ZNF614: variants seen among roughly 807,000 people sequenced by gnomAD.
The protein encoded by ZNF614 is zinc finger protein 614.
In ZNF614, 11 loss-of-function variants were observed where a neutral mutation model predicts 12.8. The ratio of observed to expected loss-of-function variants is 0.86; its 90% CI spans 0.54 to 1.43. The LOEUF is 1.43. ZNF614 is among the 40% of genes most tolerant of loss of function. ZNF614 has a pLI of 0.00. For synonymous variants in ZNF614, 237 were observed against 237.5 expected (o/e 1.00, Z 0.02); for missense variants, 664 against 708.8 (o/e 0.94, Z 0.72).
chr19:52,016,549 T>C lies in ZNF614; in HGVS notation c.1049A>G (p.Lys350Arg), dbSNP rs1393309767. ...EKPYICSECG[K>R]GFTMKRYLVV... ...AAGATAGCGCTTCATGGTGAAGCCTTTTCCACATTCACTGCATATATAGGG... is the reference window on the plus strand; with the variant it reads ...AAGATAGCGCTTCATGGTGAAGCCTCTTCCACATTCACTGCATATATAGGG... Residue 350 changes from lysine (K) to arginine (R), a missense_variant, in exon 5 of 5, where the codon AAA (lysine) becomes AGA (arginine). Coordinates refer to ENST00000270649, the MANE Select transcript of ZNF614 (RefSeq NM_025040.4). 6.2e-7 allele frequency: 1 copy of C among 1,614,156 alleles called. No individual in the cohort carries two copies. The highest frequency in any genetic ancestry group is 1.7e-5 in the Admixed American group (1 of 60,030).
intron 1 of ZNF614, 60 bp from the exon 2 acceptor site, chr19:52,026,021 G>A (rs778859770): frequency 7.4e-6 from 3 of 405,752 alleles, no homozygotes; most frequent in African/African-American, 2.0e-5. Context: ...TGTCACTGCT[G>A]CTCTGCACTT....
intron 2 of ZNF614, among the ~76,000 whole-genome samples, chr19:52,025,100 C>G (rs958166476): frequency 6.6e-6 from 1 of 152,144 alleles, no homozygotes; most frequent in African/African-American, 2.4e-5. Flanking sequence ...CAGAGCAAGA[C>G]TCTGTCTCAA....
At chr19:52,018,307 G>A in intron 3 of ZNF614, 61 bp downstream of exon 3, 2 of 1,611,422 alleles carry the variant, frequency 1.2e-6, no homozygotes, top group South Asian at 2.2e-5. Flanking sequence ...GATTAGGTGA[G>A]CATAGGACGG....
chr19:52,026,688 G>C (rs909327116), intron 1 of ZNF614, among the ~76,000 whole-genome samples: 2 of 152,184 alleles, frequency 1.3e-5, no homozygotes, highest in Non-Finnish European at 2.9e-5. Flanking sequence ...GTTGAGATAA[G>C]AGAAAGGCAT....
intron 2 of ZNF614, among the ~76,000 whole-genome samples, chr19:52,020,494 T>C (rs2086926553): frequency 6.6e-6 from 1 of 152,204 alleles, no homozygotes; most frequent in African/African-American, 2.4e-5. Flanking sequence ...CTGACTACAT[T>C]GTGTAACAAT....
chr19:52,018,983 C>T (rs2086917920), intron 2 of ZNF614, among the ~76,000 whole-genome samples: 1 of 152,058 alleles, frequency 6.6e-6, no homozygotes, highest in South Asian at 2.1e-4. Flanking sequence ...ACCTTCCCAC[C>T]TCAGCCTCTC....
chr19:52,028,055 C>A (rs1306310494), intron 1 of ZNF614, among the ~76,000 whole-genome samples, 187 bp downstream of exon 1: 1 of 152,248 alleles, frequency 6.6e-6, no homozygotes, highest in African/African-American at 2.4e-5. Flanking sequence ...ACAAGGGCCC[C>A]AGACCCAGAC....
rs1280082759 is a variant in ZNF614, at chr19:52,014,636, C to G, written c.*1204G>C. 6.6e-6 allele frequency: 1 copy of G among 152,114 alleles called. No individual in the cohort carries two copies. The highest frequency in any genetic ancestry group is 1.5e-5 in the Non-Finnish European group (1 of 68,014). 9.4% of individuals were successfully genotyped at this position (152,114 alleles called of 1,614,324 possible). ...TCTCCTAATCTCAGGAGCCTCTACCCCTATGAAGTTGGGGGTGCACCACCC... is the reference window on the plus strand; with the variant it reads ...TCTCCTAATCTCAGGAGCCTCTACCGCTATGAAGTTGGGGGTGCACCACCC... On this transcript the variant is annotated 3_prime_UTR_variant, in exon 5 of 5. Transcript: ENST00000270649.
intron 1 of ZNF614, among the ~76,000 whole-genome samples, chr19:52,026,781 C>T (rs534949327): frequency 3.3e-5 from 5 of 152,314 alleles, no homozygotes; most frequent in South Asian, 4.1e-4. Flanking sequence ...AGGAGAAAAC[C>T]GCCTTAGGGC....
Position 52,014,895 on chromosome 19 carries a change from C to T in ZNF614, c.*945G>A, listed in dbSNP as rs1033134439. 1.3e-5 allele frequency: 2 copies of T among 152,114 alleles called. No homozygotes were observed. The highest frequency in any genetic ancestry group is 2.9e-5 in the Non-Finnish European group (2 of 68,008). 9.4% of individuals were successfully genotyped at this position (152,114 alleles called of 1,614,324 possible). On this transcript the variant is annotated 3_prime_UTR_variant, in exon 5 of 5. Transcript: ENST00000270649. Reference sequence around the variant, plus strand: ...CTATGAATAACAACAACAGCAAAAACAAAACAAAACCAAAAAACTCTTATC... The same window carrying T: ...CTATGAATAACAACAACAGCAAAAATAAAACAAAACCAAAAAACTCTTATC...
chr19:52,018,246 A>G, intron 3 of ZNF614, 122 bp downstream of exon 3: 1 of 1,517,490 alleles, frequency 6.6e-7, no homozygotes, highest in Non-Finnish European at 9.1e-7. Context: ...GGGGTCAGAG[A>G]GGGGACTGAA....
intron 1 of ZNF614, among the ~76,000 whole-genome samples, 178 bp from the exon 2 acceptor site, chr19:52,026,139 A>C (rs1301203084): frequency 2.6e-5 from 4 of 152,242 alleles, no homozygotes; most frequent in Non-Finnish European, 2.9e-5. Flanking sequence ...TGTGAAGTAG[A>C]AGTGGCATGA....
rs759665918 is a variant in ZNF614 at position 52,018,047 on chromosome 19, A to G, written c.199T>C (p.Trp67Arg). The change falls in exon 4 of 5, where the codon TGG becomes CGG. Residue 67 changes from tryptophan to arginine, a missense_variant. Physicochemically the swap from Trp to Arg is moderately radical, Grantham distance 101. Coordinates refer to ENST00000270649, the MANE Select transcript of ZNF614 (RefSeq NM_025040.4). Reference sequence around the variant, plus strand: ...TTCTGAATTTTAGCATCTGTTGTCCATGGTTCTTGTCCATGTGCCAACTTG... The same window carrying G: ...TTCTGAATTTTAGCATCTGTTGTCCGTGGTTCTTGTCCATGTGCCAACTTG... ...LSKLAHGQEP[W>R]TTDAKIQNKN... 1.2e-6 allele frequency: 2 copies of G among 1,613,916 alleles called. No individual in the cohort carries two copies. The highest frequency in any genetic ancestry group is 1.7e-6 in the Non-Finnish European group (2 of 1,179,994).
In ZNF614 at chr19:52,016,894, C is replaced by T. The variant is rs1397019771; in HGVS notation, c.704G>A (p.Gly235Asp). 2 of 1,614,116 alleles carry T rather than the reference C, an allele frequency of 1.2e-6. No homozygotes were observed. Among genetic ancestry groups the T allele is most frequent in the Non-Finnish European group, 1.7e-6 (2 of 1,180,030 alleles). The change falls in exon 5 of 5, where the codon GGT becomes GAT. Residue 235 changes from glycine (G) to aspartate (D), a missense_variant. Physicochemically the swap from Gly to Asp is moderately conservative, Grantham distance 94. Transcript: ENST00000270649. ...ACTTCTGGATAATTTCTCACATTGA[C>T]CACTTCCAGGATTCTCTTGTATACA... ...NICIQENPGS[G>D]QCEKLSRSVL...
rs549653554 is a variant in ZNF614 at position 52,016,235 on chromosome 19, A to G, written c.1363T>C (p.Tyr455His). 10 of 1,614,198 alleles carry G rather than the reference A, an allele frequency of 6.2e-6. No homozygotes were observed. The South Asian group carries it at 1.1e-4, about 18-fold the overall frequency. ...HQRTHTGEKPYECNECGKAFS... is the reference protein window; with the variant it reads ...HQRTHTGEKPHECNECGKAFS... ...GCTTTACCACATTCATTGCATTCAT[A>G]GGGTTTTTCTCCTGTATGAGTTCGC... The change falls in exon 5 of 5, where the codon TAT becomes CAT. Residue 455 changes from tyrosine (Y) to histidine (H), a missense_variant. Transcript: ENST00000270649.
intron 2 of ZNF614, among the ~76,000 whole-genome samples, chr19:52,021,658 G>A (rs1332243255): frequency 6.6e-6 from 1 of 151,950 alleles, no homozygotes; most frequent in Non-Finnish European, 1.5e-5. Context: ...CAGGCAGATG[G>A]TGGTTGAGGC....
intron 1 of ZNF614, among the ~76,000 whole-genome samples, chr19:52,026,760 T>C (rs1362256645): frequency 1.3e-5 from 2 of 152,212 alleles, no homozygotes; most frequent in East Asian, 1.9e-4. Flanking sequence ...GTCTGTTCTA[T>C]TTACTGAGAT....
In ZNF614 at chr19:52,018,005, T is replaced by TA; in HGVS notation, c.238+2dup. ...GCCACTGTCCTTGCTGGTTCTCACTTACCTGGACAATTTTTATTCTGAATT... is the reference window on the plus strand; with the variant it reads ...GCCACTGTCCTTGCTGGTTCTCACTTAACCTGGACAATTTTTATTCTGAATT... On this transcript the variant is annotated splice_region_variant and intron_variant, in intron 4 of 4. Transcript: ENST00000270649. 6.2e-7 allele frequency: 1 copy of TA among 1,612,424 alleles called. No individual in the cohort carries two copies.
At position 52,017,143 on chromosome 19, in the gene ZNF614, A is replaced by G; in HGVS notation, c.455T>C (p.Ile152Thr). ...TCCAATAAACTCAACAGGGTTATTT[A>G]TTCCATGTCTTCTCTTCTGGTTGAT... ...SLINQKRRHG[I>T]NNPVEFIGGE... Residue 152 changes from isoleucine to threonine, a missense_variant, in exon 5 of 5, where the codon ATA becomes ACA. By Grantham distance (89) the Ile-to-Thr change is moderately conservative. Coordinates refer to ENST00000270649, the MANE Select transcript of ZNF614 (RefSeq NM_025040.4). The G allele has an allele frequency of 6.2e-7, 1 of 1,614,170 alleles. No homozygotes were observed. The highest frequency in any genetic ancestry group is 1.3e-5 in the African/African-American group (1 of 75,056).
Sources: gnomAD v4.1 joint callset for allele counts (sites outside exome capture counted in the v4.1 genomes callset) on GRCh38, gnomAD v4.1.1 for gene constraint, MANE v1.5 for transcripts, NCBI Gene and HGNC (gene_info 2026-07-23, HGNC 2026-07-21) for gene names.